Variants in PPP2R2B observed in about 807,000 individuals in gnomAD.
PPP2R2B encodes protein phosphatase 2 regulatory subunit Bbeta, also known as serine/threonine-protein phosphatase 2A 55 kDa regulatory subunit B beta isoform.
A neutral mutation model predicts 46.0 loss-of-function variants in PPP2R2B; 5 were observed. The observed-to-expected ratio is 0.11, with a 90% CI of 0.06 to 0.23. The LOEUF is 0.23. Ranked by LOEUF, PPP2R2B falls within the 10% of genes least tolerant of loss-of-function variation. The pLI, the probability that PPP2R2B is intolerant of heterozygous loss-of-function variation, is 1.00. For missense variants in PPP2R2B, 367 were observed against 575.0 expected (o/e 0.64, Z 3.70); for synonymous variants, 215 against 206.7 (o/e 1.04, Z -0.34).
At position 146,860,759 on chromosome 5, in the gene PPP2R2B, A is replaced by G. The variant is rs1760937947; in HGVS notation, c.70+17243T>C. On this transcript the variant is annotated intron_variant, in intron 2 of 9. Coordinates refer to ENST00000394411, the MANE Select transcript of PPP2R2B (RefSeq NM_181675.4). ...GGCTCTGACCCACTGGCTCTAGGAC[A>G]TTTTTTCTTAGATGAGTTTTCCATC... Among the ~76,000 whole-genome samples the G allele has an allele frequency of 3.9e-5, 6 of 152,224 alleles. No individual in the cohort carries two copies. The South Asian group carries it at 1.2e-3, about 32-fold the overall frequency.
intron 5 of PPP2R2B, among the ~76,000 whole-genome samples, chr5:146,682,062 CAA>C (rs1778208172): frequency 6.6e-6 from 1 of 152,128 alleles, no homozygotes; most frequent in Non-Finnish European, 1.5e-5. Context: ...GAGCAAAAGA[CAA>C]AGAGAACTCG....
At chr5:146,641,226 C>T (rs1340839777) in intron 6 of PPP2R2B, among the ~76,000 whole-genome samples, 1 of 152,162 alleles carries the variant, frequency 6.6e-6, no homozygotes, top group Non-Finnish European at 1.5e-5. Context: ...AGATAAATTA[C>T]TCAAGGTTAT....
chr5:147,040,706 G>A (rs1411611723), intron 1 of PPP2R2B: 1 of 443,494 alleles, frequency 2.3e-6, no homozygotes, highest in Non-Finnish European at 4.5e-6. Context: ...TGTGAGGAAG[G>A]TAGCACTTAC....
intron 1 of PPP2R2B, among the ~76,000 whole-genome samples, chr5:146,986,003 C>A (rs1209015881): frequency 1.3e-5 from 2 of 152,126 alleles, no homozygotes; most frequent in African/African-American, 4.8e-5. Context: ...TATCCCCCAA[C>A]AAGAACATCA....
At chr5:146,733,724 A>AAC (rs1752367653) in intron 2 of PPP2R2B, among the ~76,000 whole-genome samples, 1 of 125,262 alleles carries the variant, frequency 8.0e-6, no homozygotes, top group South Asian at 2.4e-4. Context: ...CACACACACA[A>AAC]ACACACACAC....
intron 5 of PPP2R2B, among the ~76,000 whole-genome samples, chr5:146,659,117 C>A (rs566362575): frequency 2.6e-5 from 4 of 151,878 alleles, no homozygotes; most frequent in South Asian, 2.1e-4. Flanking sequence ...TAATATGAAG[C>A]TTTTGACTTA....
intron 2 of PPP2R2B, among the ~76,000 whole-genome samples, chr5:146,801,068 A>G (rs146381546): frequency 6.6e-6 from 1 of 152,316 alleles, no homozygotes; most frequent in East Asian, 1.9e-4. Flanking sequence ...AAAGTGAAAT[A>G]AGTCAGATGC....
At chr5:146,741,210 A>C (rs1752857079) in intron 2 of PPP2R2B, among the ~76,000 whole-genome samples, 2 of 152,116 alleles carry the variant, frequency 1.3e-5, no homozygotes, top group Non-Finnish European at 2.9e-5. Context: ...TGCAGTAAGG[A>C]AGGTTCTTGT....
upstream of PPP2R2B, chr5:146,879,016 G>A: frequency 2.4e-6 from 2 of 834,036 alleles, no homozygotes; most frequent in South Asian, 2.6e-5. Flanking sequence ...GTCTACGCTA[G>A]CACCCAGAGC....
intron 1 of PPP2R2B, among the ~76,000 whole-genome samples, chr5:146,988,792 C>T (rs1415438824): frequency 6.6e-6 from 1 of 151,272 alleles, no homozygotes; most frequent in Non-Finnish European, 1.5e-5. Flanking sequence ...GAAATAGAGA[C>T]AAAAAATTTA....
chr5:146,813,246 C>T (rs1180905071), intron 2 of PPP2R2B, among the ~76,000 whole-genome samples: 1 of 151,956 alleles, frequency 6.6e-6, no homozygotes, highest in African/African-American at 2.4e-5. Flanking sequence ...AAAAAAACCC[C>T]TCTCTTTACA....
intron 4 of PPP2R2B, among the ~76,000 whole-genome samples, chr5:146,691,785 C>T (rs1436348521): frequency 6.6e-6 from 1 of 152,160 alleles, no homozygotes; most frequent in Non-Finnish European, 1.5e-5. Context: ...ACATGGCTTC[C>T]CTACTGCTCC....
intron 1 of PPP2R2B, chr5:146,919,971 T>C (rs1414616664): frequency 6.6e-6 from 1 of 151,822 alleles, no homozygotes; most frequent in African/African-American, 2.4e-5. Context: ...TTTTGATAAG[T>C]TACTTAATAT....
At chr5:146,933,290 C>T (rs763285694) in intron 1 of PPP2R2B, among the ~76,000 whole-genome samples, 13 of 151,902 alleles carry the variant, frequency 8.6e-5, no homozygotes, top group East Asian at 1.9e-4. Flanking sequence ...CCTGGATAAA[C>T]GCCCAAGTTG....
chr5:146,940,033 GC>G (rs1182637870), intron 1 of PPP2R2B, among the ~76,000 whole-genome samples: 4 of 152,046 alleles, frequency 2.6e-5, no homozygotes, highest in African/African-American at 9.7e-5. Flanking sequence ...ATAATGTATG[GC>G]AGTTGTAACC....
chr5:147,023,892 T>C (rs983569621), intron 1 of PPP2R2B, among the ~76,000 whole-genome samples: 3 of 151,922 alleles, frequency 2.0e-5, no homozygotes, highest in Non-Finnish European at 4.4e-5. Context: ...GGGACATCCA[T>C]CTTTTGCCCC....
chr5:147,067,461 A>C (rs1323535411), intron 2 of PPP2R2B, among the ~76,000 whole-genome samples: 1 of 152,140 alleles, frequency 6.6e-6, no homozygotes, highest in Non-Finnish European at 1.5e-5. Flanking sequence ...CTCTAGATTC[A>C]TCAGTGTTGT....
At chr5:147,065,334 G>C (rs1488198000) in intron 2 of PPP2R2B, among the ~76,000 whole-genome samples, 1 of 152,130 alleles carries the variant, frequency 6.6e-6, no homozygotes, top group Non-Finnish European at 1.5e-5. Flanking sequence ...AATATTTCTG[G>C]CAAAGGAGAC....
chr5:146,895,959 G>A (rs948788397), intron 1 of PPP2R2B, among the ~76,000 whole-genome samples: 4 of 151,820 alleles, frequency 2.6e-5, no homozygotes, highest in African/African-American at 4.8e-5. Context: ...TATGAAAATC[G>A]CAAAACAAAC....
Sources: allele counts gnomAD v4.1 joint callset (sites outside exome capture counted in the v4.1 genomes callset), GRCh38; gene constraint gnomAD v4.1.1; transcripts MANE v1.5; gene names NCBI Gene and HGNC (gene_info 2026-07-23, HGNC 2026-07-21).